Variants in ECSIT observed in about 807,000 individuals in gnomAD.
ECSIT encodes the protein evolutionarily conserved signaling intermediate in Toll pathway, mitochondrial.
In ECSIT, 29 loss-of-function variants were observed where a neutral mutation model predicts 36.8. The ratio of observed to expected loss-of-function variants is 0.79; its 90% CI spans 0.59 to 1.08. The LOEUF (loss-of-function observed/expected upper bound fraction) is 1.08, where lower values mean the gene tolerates loss of function less well. Among genes scored for constraint, ECSIT ranks in the 50% least tolerant of loss-of-function variants. The pLI is 0.00. For missense variants in ECSIT, 542 were observed against 581.0 expected, an observed-to-expected ratio of 0.93 and a Z score of 0.69; for synonymous variants, 231 against 234.8, an observed-to-expected ratio of 0.98 and a Z score of 0.15.
rs150679552 is a variant in ECSIT at position 11,507,799 on chromosome 19, C to T, written c.848G>A (p.Arg283Gln). 77 of 1,613,966 alleles carry T rather than the reference C, an allele frequency of 4.8e-5. No homozygotes were observed. The East Asian group carries it at 5.6e-4, about 12-fold the overall frequency. Residue 283 changes from arginine to glutamine, a missense_variant, in exon 6 of 8, where the codon CGG (arginine) becomes CAG (glutamine). Transcript: ENST00000270517. ...GAAGGGGCCCTCAACAAAGACAGGCCGGGCTGGATTGTGGCGGGCCAGGGC... is the reference window on the plus strand; with the variant it reads ...GAAGGGGCCCTCAACAAAGACAGGCTGGGCTGGATTGTGGCGGGCCAGGGC... ...QAALARHNPA[R>Q]PVFVEGPFSL... is the part of the protein sequence containing the mutation.
At chr19:11,513,524 G>C (rs1568403112) in intron 3 of ECSIT, among the ~76,000 whole-genome samples, 1 of 132,702 alleles carries the variant, frequency 7.5e-6, no homozygotes, top group East Asian at 2.1e-4. Flanking sequence ...ATTTCTAAAA[G>C]AAAGAGAGAA....
intron 2 of ECSIT, among the ~76,000 whole-genome samples, chr19:11,515,297 G>A (rs1448181361): frequency 6.7e-6 from 1 of 150,228 alleles, no homozygotes; most frequent in African/African-American, 2.4e-5. Flanking sequence ...TAGAGACGGG[G>A]TTTCACTGTG....
intron 1 of ECSIT, among the ~76,000 whole-genome samples, chr19:11,520,367 T>C (rs1386468002): frequency 6.6e-6 from 1 of 152,048 alleles, no homozygotes; most frequent in East Asian, 1.9e-4. Flanking sequence ...AGATGGGGTT[T>C]TATCACGTTG....
rs892049219 is a variant in ECSIT at position 11,505,934 on chromosome 19, A to C, written c.*250T>G. ...CCAAGAATGGAAACTGCGCATGCGC[A>C]CAACCAACAGCGCTCCCGCCCCTTT... On this transcript the variant is annotated 3_prime_UTR_variant, in exon 8 of 8. Coordinates refer to ENST00000270517, the MANE Select transcript of ECSIT (RefSeq NM_016581.5). 8 of 893,878 alleles carry C rather than the reference A, an allele frequency of 8.9e-6. No individual in the cohort carries two copies. The highest frequency in any genetic ancestry group is 3.5e-5 in the African/African-American group (2 of 57,492). 55.4% of individuals were successfully genotyped at this position (893,878 alleles called of 1,614,324 possible). A position where few individuals can be genotyped will look rare whatever the true frequency, so the allele number is the denominator to read the frequency against.
At chr19:11,525,924 A>T (rs1302281831) in intron 1 of ECSIT, among the ~76,000 whole-genome samples, 1 of 151,768 alleles carries the variant, frequency 6.6e-6, no homozygotes, top group Non-Finnish European at 1.5e-5. Context: ...TCAAAAAAAA[A>T]GCAAAATCTC....
intron 1 of ECSIT, among the ~76,000 whole-genome samples, chr19:11,524,452 G>T (rs1232809782): frequency 6.6e-6 from 1 of 151,724 alleles, no homozygotes; most frequent in Non-Finnish European, 1.5e-5. Context: ...AACCCAGGAG[G>T]TGGAGTTTAC....
rs779751445 is a variant in ECSIT, at chr19:11,513,058, G to T, written c.736C>A (p.Gln246Lys). The change falls in exon 4 of 8, where the codon CAG (glutamine) becomes AAG (lysine). Residue 246 changes from glutamine to lysine, a missense_variant and splice_region_variant. Coordinates refer to ENST00000270517, the MANE Select transcript of ECSIT (RefSeq NM_016581.5). ...ACGCTGTAGACAAGGGCGGATACCTGGTAGATGGTGACCCTGGCACTAAGG... is the reference window on the plus strand; with the variant it reads ...ACGCTGTAGACAAGGGCGGATACCTTGTAGATGGTGACCCTGGCACTAAGG... ...PDLSARVTIY[Q>K]VPLPKDSTGA... 1.2e-6 allele frequency: 2 copies of T among 1,613,720 alleles called. No individual in the cohort carries two copies. Among genetic ancestry groups the T allele is most frequent in the Middle Eastern group, 1.7e-4 (1 of 6,004 alleles).
intron 1 of ECSIT, chr19:11,522,147 A>T (rs1972117770): frequency 7.2e-6 from 3 of 417,590 alleles, no homozygotes; most frequent in South Asian, 2.4e-5. Context: ...CTTCGGGGAG[A>T]CTGTCAACTG....
intron 1 of ECSIT, chr19:11,522,100 TG>T: frequency 2.7e-6 from 1 of 366,938 alleles, no homozygotes; most frequent in South Asian, 2.4e-5. Context: ...GTCCCACTTC[TG>T]GTACTTTGTA....
chr19:11,507,613 G>A lies in ECSIT; in HGVS notation c.946-51C>T, dbSNP rs771737772. On this transcript the variant is annotated intron_variant, in intron 6 of 7. Coordinates refer to ENST00000270517, the MANE Select transcript of ECSIT (RefSeq NM_016581.5). The stretch of plus-strand genomic sequence containing the variant: ...GGGGTCAGAGGCCAGGGCTCTCTCG[G>A]TCTCCCTCCTCCAGCCTCTCCCATG... The A allele has an allele frequency of 8.1e-6, 13 of 1,612,728 alleles. No homozygotes were observed. The African/African-American group carries it at 1.2e-4, about 15-fold the overall frequency.
intron 1 of ECSIT, 187 bp downstream of exon 1, chr19:11,528,875 G>C (rs1273878736): frequency 6.6e-6 from 1 of 152,246 alleles, no homozygotes; most frequent in Non-Finnish European, 1.5e-5. Flanking sequence ...ATGGGAGACT[G>C]GGGGCGTGAG....
intron 1 of ECSIT, chr19:11,521,834 G>A (rs1208389750): frequency 6.5e-6 from 1 of 154,692 alleles, no homozygotes; most frequent in South Asian, 1.9e-4. Context: ...CACTTTGGGA[G>A]GCCAGGCAGG....
At chr19:11,508,083 C>T (rs1460682131) in intron 4 of ECSIT, 35 bp from the exon 5 acceptor site, 2 of 1,612,208 alleles carry the variant, frequency 1.2e-6, no homozygotes, top group Non-Finnish European at 1.7e-6. Context: ...TCTTGTAACC[C>T]CCAATCCCCT....
intron 2 of ECSIT, among the ~76,000 whole-genome samples, chr19:11,517,608 C>G (rs1396122730): frequency 6.6e-6 from 1 of 151,886 alleles, no homozygotes; most frequent in Non-Finnish European, 1.5e-5. Context: ...AAACAAAAAA[C>G]AACTGAAATT....
intron 2 of ECSIT, among the ~76,000 whole-genome samples, chr19:11,515,513 A>G (rs565012942): frequency 6.7e-5 from 10 of 150,352 alleles, no homozygotes; most frequent in Non-Finnish European, 1.0e-4. Flanking sequence ...CTGGAATGCA[A>G]TGGTGTCATC....
chr19:11,520,631 G>C (rs1489746820), intron 1 of ECSIT, among the ~76,000 whole-genome samples: 1 of 151,842 alleles, frequency 6.6e-6, no homozygotes, highest in African/African-American at 2.4e-5. Flanking sequence ...TCCTGCCTCA[G>C]CCTCCTGAGT....
chr19:11,523,717 G>A lies in ECSIT; in HGVS notation c.-23-4524C>T, dbSNP rs923382839. On this transcript the variant is annotated intron_variant, in intron 1 of 7. Transcript: ENST00000270517. ...GGAATGGGTAGCGCTCTGTAAAATTGAGAGAAGGGAAACCCTGTAAAGTGG... is the reference window on the plus strand; with the variant it reads ...GGAATGGGTAGCGCTCTGTAAAATTAAGAGAAGGGAAACCCTGTAAAGTGG... 7.2e-6 allele frequency: 5 copies of A among 690,342 alleles called. No individual in the cohort carries two copies. In the Admixed American group the frequency reaches 9.6e-5, roughly 13 times the overall value. 42.8% of individuals were successfully genotyped at this position (690,342 alleles called of 1,614,324 possible). A position where few individuals can be genotyped will look rare whatever the true frequency, so the allele number is the denominator to read the frequency against.
Position 11,523,689 on chromosome 19 carries a change from AG to A in ECSIT, c.-23-4497del, listed in dbSNP as rs1283527386. ...TTAAGGTTGATGACAACAAGAAACT[AG>A]GGGAATGGGTAGCGCTCTGTAAAAT... On this transcript the variant is annotated intron_variant, in intron 1 of 7. Coordinates refer to ENST00000270517, the MANE Select transcript of ECSIT (RefSeq NM_016581.5). 6 of 719,020 alleles carry A rather than the reference AG, an allele frequency of 8.3e-6. No homozygotes were observed. The East Asian group carries it at 1.6e-4, about 19-fold the overall frequency. The allele number at this position is 719,020 out of a possible 1,614,324, so 44.5% of individuals were successfully genotyped here. A position where few individuals can be genotyped will look rare whatever the true frequency, so the allele number is the denominator to read the frequency against.
Position 11,506,014 on chromosome 19 carries a change from G to T in ECSIT, c.*170C>A. 8.5e-7 allele frequency: 1 copy of T among 1,183,352 alleles called. No homozygotes were observed. Among genetic ancestry groups the T allele is most frequent in the Non-Finnish European group, 1.2e-6 (1 of 846,968 alleles). The allele number at this position is 1,183,352 out of a possible 1,614,324, so 73.3% of individuals were successfully genotyped here. A position where few individuals can be genotyped will look rare whatever the true frequency, so the allele number is the denominator to read the frequency against. ...TGCAGATTCTGGAGGGGTCTCGCCTGCCCATCGCTGGCAGCCCGAGATCCT... is the reference window on the plus strand; with the variant it reads ...TGCAGATTCTGGAGGGGTCTCGCCTTCCCATCGCTGGCAGCCCGAGATCCT... On this transcript the variant is annotated 3_prime_UTR_variant, in exon 8 of 8. Transcript: ENST00000270517.
Sources: allele counts gnomAD v4.1 joint callset (sites outside exome capture counted in the v4.1 genomes callset), GRCh38; gene constraint gnomAD v4.1.1; transcripts MANE v1.5; gene names NCBI Gene and HGNC (gene_info 2026-07-23, HGNC 2026-07-21).